The following MCF2 variants were observed in gnomAD, a reference collection of about 807,000 sequenced individuals.
MCF2 encodes the protein MCF.2 cell line derived transforming sequence.
A neutral mutation model predicts 82.5 loss-of-function variants in MCF2; 44 were observed. The ratio of observed to expected loss-of-function variants is 0.53; its 90% CI spans 0.42 to 0.69. MCF2 has a LOEUF of 0.69. Among genes scored for constraint, MCF2 ranks in the 30% least tolerant of loss-of-function variants. MCF2 has a pLI of 0.00. For synonymous variants in MCF2, 217 were observed against 224.9 expected (o/e 0.96, Z 0.32); for missense variants, 623 against 663.1 (o/e 0.94, Z 0.66).
At chrX:139,670,647 C>T (rs984063279) in intron 1 of MCF2, among the ~76,000 whole-genome samples, 1 of 111,404 alleles carries the variant, frequency 9.0e-6, no homozygotes, top group Non-Finnish European at 1.9e-5. Context: ...TGAACTCATC[C>T]CTTTTTATGG....
intron 8 of MCF2, 129 bp from the exon 12 acceptor site, chrX:139,616,602 A>G (rs1338450107): frequency 1.5e-5 from 5 of 344,599 alleles, no homozygotes; most frequent in African/African-American, 1.3e-4. Flanking sequence ...GCTGTTAAAA[A>G]AAAAAAAGAT....
intron 1 of MCF2, among the ~76,000 whole-genome samples, chrX:139,696,382 T>G (rs370964774): frequency 1.2e-5 from 1 of 80,462 alleles, no homozygotes; most frequent in South Asian, 6.3e-4. Context: ...CTCTCCTCTC[T>G]TCTCATCTCG....
At chrX:139,586,398 A>G (rs1928963791) in exon 23 of MCF2, 1 of 1,205,635 alleles carries the variant, frequency 8.3e-7, no homozygotes, top group South Asian at 1.8e-5. Flanking sequence ...TTCTGCCTGA[A>G]CTGACGCAAT....
Position 139,597,450 on chromosome X carries a change from AT to A in MCF2, c.2055+9del, listed in dbSNP as rs1053122096. 2 of 1,183,381 alleles carry A rather than the reference AT, an allele frequency of 1.7e-6. No individual in the cohort carries two copies. Among genetic ancestry groups the A allele is most frequent in the African/African-American group, 3.5e-5 (2 of 57,195 alleles). On this transcript the variant is annotated intron_variant, in intron 18 of 24. Transcript: ENST00000370576. ...CTCTAAAATTCCAACAATTATTAAA[AT>A]GTGCTTACAATATAGCCATTTATTG...
intron 19 of MCF2, among the ~76,000 whole-genome samples, chrX:139,591,688 T>G (rs1929529662): frequency 1.8e-5 from 2 of 109,953 alleles, no homozygotes; most frequent in Non-Finnish European, 3.8e-5. Flanking sequence ...AGAGTTCATT[T>G]AAAGTGAGAG....
chrX:139,663,431 A>G (rs1934412057), intron 1 of MCF2, among the ~76,000 whole-genome samples: 1 of 111,752 alleles, frequency 8.9e-6, no homozygotes, highest in Non-Finnish European at 1.9e-5. Flanking sequence ...TAATGTACAG[A>G]CTTTTTCATT....
At chrX:139,617,521 G>A (rs1184173744) in exon 8 of MCF2, 4 of 1,174,911 alleles carry the variant, frequency 3.4e-6, no homozygotes, top group East Asian at 6.2e-5. Context: ...ACCTGCTGTA[G>A]GAGTTTATGC....
intron 1 of MCF2, among the ~76,000 whole-genome samples, chrX:139,678,110 C>T (rs1398504586): frequency 1.8e-5 from 2 of 111,926 alleles, no homozygotes; most frequent in African/African-American, 3.2e-5. Context: ...CTGCAGTGAG[C>T]TGTGATTCCA....
intron 7 of MCF2, 44 bp from the exon 11 acceptor site, chrX:139,617,748 T>C (rs1479423691): frequency 2.4e-6 from 2 of 816,405 alleles, no homozygotes; most frequent in East Asian, 7.5e-5. Context: ...ATGATCTCTG[T>C]TCCTATAGAG....
chrX:139,653,649 C>A (rs527719975), intron 1 of MCF2, among the ~76,000 whole-genome samples: 4 of 111,432 alleles, frequency 3.6e-5, no homozygotes, highest in African/African-American at 1.3e-4. Context: ...TAATTTTCAA[C>A]AAGTCACTCC....
At chrX:139,679,969 C>T (rs190499754) in intron 1 of MCF2, among the ~76,000 whole-genome samples, 9 of 111,335 alleles carry the variant, frequency 8.1e-5, no homozygotes, top group African/African-American at 2.9e-4. Context: ...GTATGTGCTG[C>T]AAATAAAGGG....
chrX:139,648,785 G>A (rs761551563), intron 2 of MCF2, among the ~76,000 whole-genome samples: 6 of 112,032 alleles, frequency 5.4e-5, no homozygotes, highest in Admixed American at 1.9e-4. Context: ...TTTCAGAGTC[G>A]AAAATATTAC....
At chrX:139,620,558 A>G (rs1387344114) in intron 6 of MCF2, among the ~76,000 whole-genome samples, 1 of 111,528 alleles carries the variant, frequency 9.0e-6, no homozygotes, top group Non-Finnish European at 1.9e-5. Flanking sequence ...TAGCATTTCT[A>G]TACACCAATA....
intron 1 of MCF2, among the ~76,000 whole-genome samples, chrX:139,663,556 A>G (rs912718095): frequency 9.2e-6 from 1 of 109,218 alleles, no homozygotes; most frequent in Non-Finnish European, 1.9e-5. Context: ...TTTTAAGCCC[A>G]ATAGCCAATA....
At chrX:139,701,651 AC>A (rs1158112646) in intron 1 of MCF2, among the ~76,000 whole-genome samples, 1 of 111,259 alleles carries the variant, frequency 9.0e-6, no homozygotes, top group Non-Finnish European at 1.9e-5. Context: ...CTACAAAAAC[AC>A]CCTTTCTCTG....
At chrX:139,674,584 C>T (rs1934808544) in intron 1 of MCF2, among the ~76,000 whole-genome samples, 1 of 111,831 alleles carries the variant, frequency 8.9e-6, no homozygotes, top group African/African-American at 3.3e-5. Context: ...ACTTATGAAG[C>T]TTAGTTTGGC....
rs758387447 is a variant in MCF2 at position 139,626,094 on chromosome X, G to A, written c.687+99C>T. The A allele has an allele frequency of 1.2e-5, 5 of 433,055 alleles. No homozygotes were observed. The South Asian group carries it at 2.4e-4, about 21-fold the overall frequency. 35.7% of individuals were successfully genotyped at this position (433,055 alleles called of 1,213,427 possible). A position where few individuals can be genotyped will look rare whatever the true frequency, so the allele number is the denominator to read the frequency against. On this transcript the variant is annotated intron_variant, in intron 6 of 24. Coordinates refer to ENST00000370576, the Ensembl canonical transcript of MCF2. ...TTTGCCTCCTTTTTTTTCTTTGTAG[G>A]TATAAATGGGCATCTTGCAAGGCAG...
At chrX:139,628,314 T>C (rs918597694) in intron 4 of MCF2, among the ~76,000 whole-genome samples, 24 of 111,824 alleles carry the variant, frequency 2.1e-4, no homozygotes, top group Non-Finnish European at 3.6e-4. Flanking sequence ...CGAGATCATG[T>C]CCTCTGCAGC....
intron 6 of MCF2, among the ~76,000 whole-genome samples, chrX:139,620,669 A>G (rs2148469211): frequency 9.0e-6 from 1 of 111,511 alleles, no homozygotes; most frequent in Non-Finnish European, 1.9e-5. Context: ...GAGGAGAAAA[A>G]TCTCTATAAG....
Sources: gnomAD v4.1 joint callset for allele counts (sites outside exome capture counted in the v4.1 genomes callset) on GRCh38, gnomAD v4.1.1 for gene constraint, MANE v1.5 for transcripts, NCBI Gene and HGNC (gene_info 2026-07-23, HGNC 2026-07-21) for gene names.